AP2B1: variants seen among roughly 807,000 people sequenced by gnomAD.
AP2B1 encodes AP-2 complex subunit beta.
Under a neutral mutation model 102.0 loss-of-function variants are expected in AP2B1, and 23 were observed. The ratio of observed to expected loss-of-function variants is 0.23; its 90% CI spans 0.16 to 0.32. AP2B1 has a LOEUF of 0.32. AP2B1 is among the 10% of genes least tolerant of loss of function. The probability of loss-of-function intolerance (pLI) is 1.00; values close to 1 mark genes in which losing one functional copy is unlikely to be tolerated. For missense variants in AP2B1, 541 were observed against 1,157.4 expected (o/e 0.47, Z 7.73); for synonymous variants, 381 against 421.2 (o/e 0.90, Z 1.17).
At chr17:35,704,574 G>A (rs890624396) in intron 18 of AP2B1, among the ~76,000 whole-genome samples, 3 of 152,150 alleles carry the variant, frequency 2.0e-5, no homozygotes, top group African/African-American at 4.8e-5. Context: ...TAGGTGAGCC[G>A]GAAGTAAGCC....
At position 35,626,766 on chromosome 17, in the gene AP2B1, C is replaced by T; in HGVS notation, c.862C>T (p.Leu288Phe). The T allele has an allele frequency of 6.2e-7, 1 of 1,614,018 alleles. No homozygotes were observed. The highest frequency in any genetic ancestry group is 8.5e-7 in the Non-Finnish European group (1 of 1,180,000). ...GCTGCTGAAGAAGTTAGCCCCTCCA[C>T]TTGTCACTTTGCTGTCTGGGGAGCC... is the stretch of plus-strand genomic sequence containing the variant. ...NMLLKKLAPP[L>F]VTLLSGEPEV... The change falls in exon 7 of 22, where the codon CTT (leucine) becomes TTT (phenylalanine). Residue 288 changes from leucine to phenylalanine, a missense_variant. Coordinates refer to ENST00000610402, the MANE Select transcript of AP2B1 (RefSeq NM_001030006.2).
At chr17:35,615,682 TA>T (rs759586490) in intron 5 of AP2B1, among the ~76,000 whole-genome samples, 12 of 152,242 alleles carry the variant, frequency 7.9e-5, no homozygotes, top group South Asian at 2.1e-4. Flanking sequence ...ATTACAAAAT[TA>T]AAATATTATA....
intron 10 of AP2B1, among the ~76,000 whole-genome samples, chr17:35,637,067 A>G (rs2074627781): frequency 6.6e-6 from 1 of 152,254 alleles, no homozygotes; most frequent in Non-Finnish European, 1.5e-5. Flanking sequence ...CTCTTAGTAT[A>G]TGAAGCAAAA....
intron 18 of AP2B1, among the ~76,000 whole-genome samples, chr17:35,702,371 T>C (rs2076255546): frequency 6.6e-6 from 1 of 152,104 alleles, no homozygotes; most frequent in African/African-American, 2.4e-5. Flanking sequence ...GGAAGAGCAT[T>C]GTAGACAGAA....
intron 17 of AP2B1, among the ~76,000 whole-genome samples, chr17:35,676,657 C>G (rs546069793): frequency 6.6e-6 from 1 of 152,278 alleles, no homozygotes; most frequent in African/African-American, 2.4e-5. Context: ...ATATGGTAAG[C>G]TTGAGAATTC....
intron 13 of AP2B1, among the ~76,000 whole-genome samples, chr17:35,652,062 G>A (rs1026417103): frequency 3.3e-5 from 5 of 152,114 alleles, no homozygotes; most frequent in African/African-American, 9.7e-5. Flanking sequence ...CAAAAACAAC[G>A]CTTTCTTAAA....
In AP2B1 at chr17:35,674,288, T is replaced by C; in HGVS notation, c.2291T>C (p.Met764Thr). ...MNFTNKALQH[M>T]TDFAIQFNKN... is the part of the protein sequence containing the mutation. Reference sequence around the variant, plus strand: ...TTCACCAATAAAGCTCTGCAGCACATGACAGATTTTGCAATCCAGTTTAAC... The same window carrying C: ...TTCACCAATAAAGCTCTGCAGCACACGACAGATTTTGCAATCCAGTTTAAC... The change falls in exon 17 of 22, where the codon ATG (methionine) becomes ACG (threonine). Residue 764 changes from methionine to threonine, a missense_variant. Met to Thr is a moderately conservative substitution (Grantham distance 81). This residue lies in a region of AP2B1 where 62 missense variants were observed against 87.6 expected (regional missense o/e 0.71). Coordinates refer to ENST00000610402, the MANE Select transcript of AP2B1 (RefSeq NM_001030006.2). The C allele has an allele frequency of 6.2e-7, 1 of 1,614,198 alleles. No homozygotes were observed. Among genetic ancestry groups the C allele is most frequent in the African/African-American group, 1.3e-5 (1 of 75,056 alleles).
chr17:35,605,127 C>G (rs2073625111), intron 3 of AP2B1, among the ~76,000 whole-genome samples: 1 of 152,102 alleles, frequency 6.6e-6, no homozygotes. Context: ...TGGCCTTGAA[C>G]ACCTGGTCTC....
intron 5 of AP2B1, among the ~76,000 whole-genome samples, chr17:35,612,316 C>T (rs1434046157): frequency 6.6e-6 from 1 of 152,210 alleles, no homozygotes. Flanking sequence ...TGGAGTGCCT[C>T]ACTTGCCTTA....
intron 5 of AP2B1, among the ~76,000 whole-genome samples, chr17:35,613,543 C>T (rs758328667): frequency 2.6e-5 from 4 of 152,162 alleles, no homozygotes; most frequent in Non-Finnish European, 5.9e-5. Context: ...AAAAATCTCA[C>T]TCTATTAAGT....
rs758748077 is a variant in AP2B1 at position 35,650,594 on chromosome 17, C to T, written c.1601C>T (p.Pro534Leu). The T allele has an allele frequency of 6.2e-7, 1 of 1,614,006 alleles. No homozygotes were observed. Residue 534 changes from proline (P) to leucine (L), a missense_variant, in exon 13 of 22, where the codon CCT becomes CTT. Pro to Leu is a moderately conservative substitution (Grantham distance 98). Transcript: ENST00000610402. ...TATTGGCGCCTTCTCTCAACTGACC[C>T]TGTTACAGCTAAAGAAGTAGTCTTG... ...YIYWRLLSTD[P>L]VTAKEVVLSE...
intron 18 of AP2B1, among the ~76,000 whole-genome samples, chr17:35,684,142 C>A (rs2142994048): frequency 6.6e-6 from 1 of 152,076 alleles, no homozygotes; most frequent in East Asian, 1.9e-4. Flanking sequence ...TCAAGACCCC[C>A]AGCTGAAAAG....
Position 35,639,790 on chromosome 17 carries a change from A to G in AP2B1, c.1437+30A>G, listed in dbSNP as rs751563991. On this transcript the variant is annotated intron_variant, in intron 11 of 21. Transcript: ENST00000610402. The stretch of plus-strand genomic sequence containing the variant: ...GTTCTTGTCTCTTGTCTATCCTAGT[A>G]GTTTTAGATGTCTTTGGGGAGATTT... The G allele has an allele frequency of 3.1e-6, 5 of 1,600,858 alleles. No homozygotes were observed. The African/African-American group carries it at 5.4e-5, about 17-fold the overall frequency.
chr17:35,674,284 C>T lies in AP2B1; in HGVS notation c.2287C>T (p.His763Tyr), dbSNP rs1227247249. The T allele has an allele frequency of 3.1e-6, 5 of 1,614,024 alleles. No homozygotes were observed. Among genetic ancestry groups the T allele is most frequent in the Non-Finnish European group, 3.4e-6 (4 of 1,180,036 alleles). ...EMNFTNKALQ[H>Y]MTDFAIQFNK... ...GAACTTCACCAATAAAGCTCTGCAG[C>T]ACATGACAGATTTTGCAATCCAGTT... The change falls in exon 17 of 22, where the codon CAC becomes TAC. Residue 763 changes from histidine to tyrosine, a missense_variant. This residue lies in a region of AP2B1 where 62 missense variants were observed against 87.6 expected (regional missense o/e 0.71). Transcript: ENST00000610402.
At chr17:35,654,112 A>C (rs1178250230) in intron 13 of AP2B1, among the ~76,000 whole-genome samples, 1 of 151,674 alleles carries the variant, frequency 6.6e-6, no homozygotes, top group Non-Finnish European at 1.5e-5. Flanking sequence ...CCCAGGCTAG[A>C]GTGCAGTAGC....
rs558303216 is a variant in AP2B1, at chr17:35,606,261, A to G, written c.279+421A>G. 1.5e-4 allele frequency among the ~76,000 whole-genome samples: 23 copies of G among 148,470 alleles called. No individual in the cohort carries two copies. In the South Asian group the frequency reaches 4.7e-3, roughly 30 times the overall value. ...TGATTAATTTTTTTTTTTTTTTGAT[A>G]CAGAGTCTCACTCTGTCACCGAGGC... On this transcript the variant is annotated intron_variant, in intron 4 of 21. Coordinates refer to ENST00000610402, the MANE Select transcript of AP2B1 (RefSeq NM_001030006.2).
At chr17:35,670,293 AATCAC>A (rs1324007208) in intron 14 of AP2B1, among the ~76,000 whole-genome samples, 1 of 152,344 alleles carries the variant, frequency 6.6e-6, no homozygotes, top group Non-Finnish European at 1.5e-5. Context: ...AAACTCTAAA[AATCAC>A]TTTTGTTCCA....
intron 17 of AP2B1, among the ~76,000 whole-genome samples, chr17:35,680,007 A>G (rs931193689): frequency 6.6e-6 from 1 of 150,898 alleles, no homozygotes; most frequent in Non-Finnish European, 1.5e-5. Flanking sequence ...GCTCACTGCA[A>G]CCTCCGCCTC....
At chr17:35,692,619 C>A (rs1347768103) in intron 18 of AP2B1, among the ~76,000 whole-genome samples, 2 of 152,154 alleles carry the variant, frequency 1.3e-5, no homozygotes, top group Non-Finnish European at 2.9e-5. Flanking sequence ...TTCATGTTTA[C>A]TCTCTTATAT....
Sources: gnomAD v4.1 joint callset for allele counts (sites outside exome capture counted in the v4.1 genomes callset) on GRCh38, gnomAD v4.1.1 for gene constraint, gnomAD v4.1.1 regional missense constraint, MANE v1.5 for transcripts, NCBI Gene and HGNC (gene_info 2026-07-23, HGNC 2026-07-21) for gene names.